NETO1: variants seen among roughly 807,000 people sequenced by gnomAD.
NETO1 encodes neuropilin and tolloid like 1.
In NETO1, 26 loss-of-function variants were observed where a neutral mutation model predicts 61.3. The observed-to-expected ratio is 0.42, with a 90% CI of 0.31 to 0.59. NETO1 has a LOEUF of 0.59. Ranked by LOEUF, NETO1 falls within the 20% of genes least tolerant of loss-of-function variation. NETO1 has a pLI of 0.12. For missense variants in NETO1, 531 were observed against 662.8 expected, an observed-to-expected ratio of 0.80 and a Z score of 2.18; for synonymous variants, 225 against 225.8, an observed-to-expected ratio of 1.00 and a Z score of 0.03.
intron 4 of NETO1, among the ~76,000 whole-genome samples, chr18:72,843,000 C>G (rs571564373): frequency 2.6e-5 from 4 of 152,128 alleles, no homozygotes; most frequent in Non-Finnish European, 4.4e-5. Context: ...CATTATTTCA[C>G]TTGAATTAAT....
At chr18:72,851,680 T>C (rs2074254342) in intron 4 of NETO1, among the ~76,000 whole-genome samples, 1 of 152,146 alleles carries the variant, frequency 6.6e-6, no homozygotes, top group African/African-American at 2.4e-5. Flanking sequence ...TCTTTGGACA[T>C]TGCGAGTGGA....
chr18:72,834,716 C>T (rs964027908), intron 4 of NETO1: 3 of 984,904 alleles, frequency 3.0e-6, no homozygotes, highest in Admixed American at 6.2e-5. Context: ...ACGCTCTCTT[C>T]AGCTTTTACT....
intron 7 of NETO1, among the ~76,000 whole-genome samples, chr18:72,757,624 GA>G (rs959117608): frequency 2.5e-4 from 38 of 150,462 alleles, no homozygotes; most frequent in Non-Finnish European, 4.1e-4. Context: ...TAGTCATTTT[GA>G]AAAAAAAAGT....
At chr18:72,866,547 A>G (rs2074738099) in intron 1 of NETO1, among the ~76,000 whole-genome samples, 1 of 152,142 alleles carries the variant, frequency 6.6e-6, no homozygotes, top group Admixed American at 6.5e-5. Context: ...TGATGAAATC[A>G]CATTATAGAC....
At position 72,821,234 on chromosome 18, in the gene NETO1, T is replaced by TAAAAAAAAAAAAAAA. The variant is rs10672110; in HGVS notation, c.470-26845_470-26831dup. Among the ~76,000 whole-genome samples, 169 of 80,192 alleles carry TAAAAAAAAAAAAAAA rather than the reference T, an allele frequency of 2.1e-3. 6 individuals are homozygous for TAAAAAAAAAAAAAAA. Among genetic ancestry groups the TAAAAAAAAAAAAAAA allele is most frequent in the Non-Finnish European group, 3.2e-3 (138 of 42,634 alleles). The allele number at this position is 80,192 out of a possible 152,430, so 52.6% of individuals were successfully genotyped here. A position where few individuals can be genotyped will look rare whatever the true frequency, so the allele number is the denominator to read the frequency against. On this transcript the variant is annotated intron_variant, in intron 4 of 10. Coordinates refer to ENST00000327305, the MANE Select transcript of NETO1 (RefSeq NM_138966.5). The stretch of plus-strand genomic sequence containing the variant: ...TAAGCATTCTCTTCTTCATATTAAC[T>TAAAAAAAAAAAAAAA]AAAAAAAAAAAAAAAAAAAAAAATG...
chr18:72,782,922 G>C (rs1446631641), intron 7 of NETO1, among the ~76,000 whole-genome samples: 3 of 152,200 alleles, frequency 2.0e-5, no homozygotes, highest in African/African-American at 7.2e-5. Flanking sequence ...CTGAACATTT[G>C]TATATGCTTG....
intron 7 of NETO1, among the ~76,000 whole-genome samples, chr18:72,775,406 G>A (rs1397189349): frequency 6.6e-6 from 1 of 152,102 alleles, no homozygotes; most frequent in African/African-American, 2.4e-5. Context: ...AGATACAAAT[G>A]TAAAAATATG....
chr18:72,764,258 C>G (rs1355668660), intron 7 of NETO1, among the ~76,000 whole-genome samples: 2 of 152,096 alleles, frequency 1.3e-5, no homozygotes, highest in East Asian at 3.9e-4. Flanking sequence ...AAACTTCTAA[C>G]CCTTGGGATG....
At chr18:72,809,591 C>G (rs976430940) in intron 4 of NETO1, among the ~76,000 whole-genome samples, 11 of 152,178 alleles carry the variant, frequency 7.2e-5, no homozygotes, top group African/African-American at 2.4e-4. Flanking sequence ...AGATTTCGAA[C>G]CTCTTCGATA....
intron 4 of NETO1, among the ~76,000 whole-genome samples, chr18:72,845,170 G>A (rs1198860000): frequency 1.3e-5 from 2 of 152,196 alleles, no homozygotes; most frequent in Non-Finnish European, 2.9e-5. Flanking sequence ...ATGAAGCAGA[G>A]GTTTCAATGT....
intron 4 of NETO1, among the ~76,000 whole-genome samples, chr18:72,841,588 G>T (rs2073932257): frequency 6.6e-6 from 1 of 151,776 alleles, no homozygotes; most frequent in African/African-American, 2.4e-5. Flanking sequence ...GAAATAATCA[G>T]CCGGGCATGG....
At chr18:72,825,308 AT>A (rs1233600898) in intron 4 of NETO1, among the ~76,000 whole-genome samples, 2 of 152,178 alleles carry the variant, frequency 1.3e-5, no homozygotes, top group African/African-American at 4.8e-5. Flanking sequence ...TTCTGAAGTG[AT>A]TTTGATAATT....
intron 4 of NETO1, among the ~76,000 whole-genome samples, chr18:72,819,417 T>C (rs563909050): frequency 2.5e-4 from 38 of 152,318 alleles, no homozygotes; most frequent in African/African-American, 9.1e-4. Context: ...GAGAACTGAT[T>C]AGTATTTTAT....
chr18:72,787,463 G>A (rs191729438), intron 6 of NETO1, among the ~76,000 whole-genome samples: 3 of 152,212 alleles, frequency 2.0e-5, no homozygotes, highest in African/African-American at 7.2e-5. Flanking sequence ...TAGACCACCT[G>A]ATGTTTTCAA....
At chr18:72,859,212 A>G (rs2074496231) in intron 3 of NETO1, 138 bp from the exon 4 acceptor site, 2 of 830,930 alleles carry the variant, frequency 2.4e-6, no homozygotes, top group African/African-American at 1.7e-5. Context: ...TAAAGAAAGC[A>G]TATGATACTA....
chr18:72,828,638 G>A (rs2073472950), intron 4 of NETO1, among the ~76,000 whole-genome samples: 1 of 152,078 alleles, frequency 6.6e-6, no homozygotes, highest in African/African-American at 2.4e-5. Flanking sequence ...AAGGTATAAT[G>A]TATTCTACAA....
At chr18:72,823,207 T>TA (rs1057011666) in intron 4 of NETO1, among the ~76,000 whole-genome samples, 8 of 152,140 alleles carry the variant, frequency 5.3e-5, no homozygotes, top group South Asian at 2.1e-4. Flanking sequence ...ATGCAATATT[T>TA]AAAAAAAATT....
In NETO1 at chr18:72,749,357, A is replaced by T. The variant is rs115489357; in HGVS notation, c.1542-269T>A. Reference sequence around the variant, plus strand: ...TGACAAGATTTTGGAATTTAAAATAATTTTTCCTAAATTTAAATGTTTTTT... The same window carrying T: ...TGACAAGATTTTGGAATTTAAAATATTTTTTCCTAAATTTAAATGTTTTTT... On this transcript the variant is annotated intron_variant, in intron 9 of 10. Transcript: ENST00000327305. 3.5e-3 allele frequency among the ~76,000 whole-genome samples: 532 copies of T among 152,252 alleles called. 3 individuals are homozygous for T. The highest frequency in any genetic ancestry group is 0.012 in the African/African-American group (508 of 41,552).
intron 7 of NETO1, 113 bp from the exon 8 acceptor site, chr18:72,756,260 A>G (rs2070780219): frequency 1.7e-6 from 1 of 587,920 alleles, no homozygotes; most frequent in Non-Finnish European, 3.1e-6. Context: ...CCACAAACTG[A>G]GATAAATGAT....
Sources: allele counts gnomAD v4.1 joint callset (sites outside exome capture counted in the v4.1 genomes callset), GRCh38; gene constraint gnomAD v4.1.1; transcripts MANE v1.5; gene names NCBI Gene and HGNC (gene_info 2026-07-23, HGNC 2026-07-21).